ZNF208: variants seen among roughly 807,000 people sequenced by gnomAD.
ZNF208 encodes zinc finger protein 208.
A neutral mutation model predicts 12.1 loss-of-function variants in ZNF208; 10 were observed. That is an observed-to-expected ratio of 0.83 (90% CI 0.51 to 1.40). The LOEUF is 1.40. Ranked by LOEUF, ZNF208 falls within the 40% of genes most tolerant of loss-of-function variation. The pLI is 0.00. For missense variants in ZNF208, 1,652 were observed against 1,485.0 expected, an observed-to-expected ratio of 1.11 and a Z score of -1.85; for synonymous variants, 497 against 488.4, an observed-to-expected ratio of 1.02 and a Z score of -0.23.
intron 1 of ZNF208, among the ~76,000 whole-genome samples, chr19:21,989,237 C>T (rs572418217): frequency 1.9e-5 from 2 of 103,948 alleles, no homozygotes; most frequent in African/African-American, 7.4e-5. Context: ...TCCCTCCCCC[C>T]ACCCCCCACC....
intron 1 of ZNF208, among the ~76,000 whole-genome samples, chr19:21,995,034 C>T (rs1970808414): frequency 6.6e-6 from 1 of 151,432 alleles, no homozygotes; most frequent in Non-Finnish European, 1.5e-5. Context: ...TCACTGCAGC[C>T]TCCTCCTCCC....
intron 1 of ZNF208, among the ~76,000 whole-genome samples, chr19:21,999,077 A>T (rs1213862530): frequency 3.8e-5 from 1 of 26,328 alleles, no homozygotes; most frequent in East Asian, 2.0e-3. Flanking sequence ...TTTATAAATT[A>T]TATACCTATA....
At chr19:21,988,028 A>G (rs1172188588) in intron 2 of ZNF208, among the ~76,000 whole-genome samples, 1 of 152,072 alleles carries the variant, frequency 6.6e-6, no homozygotes, top group Non-Finnish European at 1.5e-5. Context: ...ACAATAACAG[A>G]AATTTCTAAA....
downstream of ZNF208, among the ~76,000 whole-genome samples, chr19:21,964,638 C>T (rs1405550815): frequency 2.0e-5 from 3 of 151,642 alleles, no homozygotes; most frequent in East Asian, 5.8e-4. Flanking sequence ...AAAACAGCCA[C>T]TAGTTTTAAC....
chr19:21,955,704 CT>C (rs1254029870), intron 4 of ZNF208, among the ~76,000 whole-genome samples: 6 of 152,124 alleles, frequency 3.9e-5, no homozygotes, highest in African/African-American at 1.2e-4. Context: ...CTTCTCTATG[CT>C]GTTTATTCTA....
chr19:21,943,380 A>G (rs1969772659), intron 4 of ZNF208, among the ~76,000 whole-genome samples: 1 of 152,254 alleles, frequency 6.6e-6, no homozygotes, highest in Non-Finnish European at 1.5e-5. Context: ...CAGTGCATAC[A>G]TATTTGTCCT....
intron 1 of ZNF208, among the ~76,000 whole-genome samples, chr19:22,006,377 T>A (rs1971044553): frequency 1.3e-5 from 2 of 152,184 alleles, no homozygotes; most frequent in Admixed American, 1.3e-4. Flanking sequence ...ATTTTTTTTT[T>A]AATGTACGTC....
At position 21,988,862 on chromosome 19, in the gene ZNF208, C is replaced by G; in HGVS notation, c.51G>C (p.Glu17Asp). Reference protein sequence around the residue: ...RDVAIEFSLEEWQCLDTAQQN... With the variant: ...RDVAIEFSLEDWQCLDTAQQN... ...GCTGTGCAGTGTCCAGGCATTGCCA[C>G]TCCTCCAGAGAGAATTCTATGGCCA... Residue 17 changes from glutamate (E) to aspartate (D), a missense_variant, in exon 2 of 4, where the codon GAG becomes GAC. Transcript: ENST00000397126. 6.2e-7 allele frequency: 1 copy of G among 1,614,100 alleles called. No individual in the cohort carries two copies. The highest frequency in any genetic ancestry group is 8.5e-7 in the Non-Finnish European group (1 of 1,179,972).
chr19:21,987,816 C>T (rs965898682), intron 2 of ZNF208, among the ~76,000 whole-genome samples: 1 of 152,138 alleles, frequency 6.6e-6, no homozygotes, highest in Non-Finnish European at 1.5e-5. Context: ...CCATTTCACC[C>T]CTGAACATCT....
intron 4 of ZNF208, among the ~76,000 whole-genome samples, chr19:21,958,722 C>T (rs187497203): frequency 7.4e-6 from 1 of 135,076 alleles, no homozygotes; most frequent in Admixed American, 7.8e-5. Context: ...TAAACCAGCC[C>T]TGGAAGAAAT....
rs1970394705 is a variant in ZNF208 at position 21,974,705 on chromosome 19, T to C, written c.329A>G (p.Asn110Ser). Residue 110 changes from asparagine to serine, a missense_variant, in exon 4 of 4, where the codon AAT becomes AGT. Transcript: ENST00000397126. Reference protein sequence around the residue: ...LRRYEKCGHENLHLKIGYTNV... With the variant: ...LRRYEKCGHESLHLKIGYTNV... ...GGTATAACCAATTTTTAAGTGTAAA[T>C]TCTCATGTCCACATTTTTCATACCT... 3.7e-6 allele frequency: 6 copies of C among 1,613,544 alleles called. No homozygotes were observed. Among genetic ancestry groups the C allele is most frequent in the Non-Finnish European group, 5.1e-6 (6 of 1,179,766 alleles).
intron 4 of ZNF208, among the ~76,000 whole-genome samples, chr19:21,945,701 T>C (rs1599600309): frequency 6.6e-6 from 1 of 152,168 alleles, no homozygotes; most frequent in African/African-American, 2.4e-5. Context: ...TGGAAGTATA[T>C]TGTTATATTT....
At chr19:21,949,570 C>T (rs764422418) in intron 4 of ZNF208, among the ~76,000 whole-genome samples, 48 of 152,248 alleles carry the variant, frequency 3.2e-4, no homozygotes, top group African/African-American at 7.9e-4. Flanking sequence ...AAAACTCACT[C>T]GCTAACTTGG....
downstream of ZNF208, chr19:21,965,700 A>G (rs1970150544): frequency 6.6e-6 from 1 of 151,934 alleles, no homozygotes; most frequent in East Asian, 1.9e-4. Context: ...ATACAACCAT[A>G]AGACTTTTGT....
At chr19:21,991,274 C>T (rs1204613537) in intron 1 of ZNF208, among the ~76,000 whole-genome samples, 1 of 152,140 alleles carries the variant, frequency 6.6e-6, no homozygotes, top group Non-Finnish European at 1.5e-5. Flanking sequence ...TTTTGAGATG[C>T]ATCCCATCAA....
intron 4 of ZNF208, among the ~76,000 whole-genome samples, chr19:21,944,790 T>C (rs557464782): frequency 6.6e-6 from 1 of 152,324 alleles, no homozygotes; most frequent in South Asian, 2.1e-4. Flanking sequence ...GTCTCAGAGC[T>C]GGTAGTTTGG....
chr19:21,955,879 A>G (rs1969966541), intron 4 of ZNF208, among the ~76,000 whole-genome samples: 1 of 152,160 alleles, frequency 6.6e-6, no homozygotes, highest in African/African-American at 2.4e-5. Flanking sequence ...TTTGCTGGTG[A>G]GGAACTGCAT....
At chr19:22,001,672 C>A (rs1336672280) in intron 1 of ZNF208, among the ~76,000 whole-genome samples, 1 of 151,790 alleles carries the variant, frequency 6.6e-6, no homozygotes, top group African/African-American at 2.4e-5. Flanking sequence ...GGCCAATTTC[C>A]TGAGGTCAGG....
intron 1 of ZNF208, among the ~76,000 whole-genome samples, chr19:21,994,943 G>A (rs1371099145): frequency 7.8e-6 from 1 of 127,986 alleles, no homozygotes; most frequent in Non-Finnish European, 1.8e-5. Context: ...CTGCTTATCT[G>A]TTTTTCTTTT....
Sources: allele counts gnomAD v4.1 joint callset (sites outside exome capture counted in the v4.1 genomes callset), GRCh38; gene constraint gnomAD v4.1.1; transcripts MANE v1.5; gene names NCBI Gene and HGNC (gene_info 2026-07-23, HGNC 2026-07-21).